Variants in OSBPL10 observed in about 807,000 individuals in gnomAD.
OSBPL10 encodes the protein oxysterol-binding protein-related protein 10.
Under a neutral mutation model 81.7 loss-of-function variants are expected in OSBPL10, and 49 were observed. That is an observed-to-expected ratio of 0.60 (90% CI 0.48 to 0.76). OSBPL10 has a LOEUF of 0.76. Ranked by LOEUF, OSBPL10 falls within the 30% of genes least tolerant of loss-of-function variation. The probability of loss-of-function intolerance (pLI) is 0.00; values close to 1 mark genes in which losing one functional copy is unlikely to be tolerated. For missense variants in OSBPL10, 923 were observed against 987.8 expected, an observed-to-expected ratio of 0.93 and a Z score of 0.88; for synonymous variants, 419 against 383.6, an observed-to-expected ratio of 1.09 and a Z score of -1.08.
intron 2 of OSBPL10, among the ~76,000 whole-genome samples, chr3:32,026,189 G>T (rs1323045043): frequency 6.6e-6 from 1 of 152,072 alleles, no homozygotes; most frequent in Admixed American, 6.6e-5. Context: ...CCAAGCTGGG[G>T]TGCAATGTCA....
chr3:31,825,596 C>T (rs1359436400), intron 4 of OSBPL10, among the ~76,000 whole-genome samples: 2 of 152,116 alleles, frequency 1.3e-5, no homozygotes, highest in African/African-American at 4.8e-5. Flanking sequence ...GGATTACAGG[C>T]GTGATTCACT....
chr3:32,067,283 C>G (rs911940757), intron 1 of OSBPL10, among the ~76,000 whole-genome samples: 1 of 152,162 alleles, frequency 6.6e-6, no homozygotes, highest in South Asian at 2.1e-4. Context: ...CTTGCCTTCC[C>G]AAGTGGGACC....
intron 3 of OSBPL10, among the ~76,000 whole-genome samples, chr3:31,833,094 C>T (rs1700285545): frequency 6.6e-6 from 1 of 152,182 alleles, no homozygotes; most frequent in Non-Finnish European, 1.5e-5. Flanking sequence ...TCAATCTTTT[C>T]ACTTGGAGAG....
At chr3:31,822,913 T>TAAAAAAAAAAAAAAAAAAAAAAA (rs71097447) in intron 4 of OSBPL10, among the ~76,000 whole-genome samples, 3 of 89,142 alleles carry the variant, frequency 3.4e-5, no homozygotes, top group Non-Finnish European at 6.8e-5. Context: ...CCCCCAACTC[T>TAAAAAAAAAAAAAAAAAAAAAAA]AAAAAAAAAA....
At chr3:31,710,291 T>C (rs1696209484) in intron 6 of OSBPL10, among the ~76,000 whole-genome samples, 1 of 152,162 alleles carries the variant, frequency 6.6e-6, no homozygotes. Context: ...ACACAAGAAG[T>C]GCTTGGTAAA....
chr3:31,928,878 T>C (rs1697158173), intron 1 of OSBPL10, among the ~76,000 whole-genome samples: 3 of 149,866 alleles, frequency 2.0e-5, no homozygotes, highest in South Asian at 2.1e-4. Context: ...AAGACAGAAA[T>C]ATAAAAATCA....
intron 4 of OSBPL10, among the ~76,000 whole-genome samples, chr3:31,787,804 A>C (rs1375065120): frequency 6.6e-6 from 1 of 152,158 alleles, no homozygotes; most frequent in Non-Finnish European, 1.5e-5. Flanking sequence ...GGTGCAGTTC[A>C]GAATAATTTC....
At chr3:31,838,579 G>A (rs887470896) in intron 3 of OSBPL10, among the ~76,000 whole-genome samples, 1 of 151,106 alleles carries the variant, frequency 6.6e-6, no homozygotes, top group East Asian at 1.9e-4. Flanking sequence ...ATGCTATTAG[G>A]TGGTAGGGCC....
At chr3:31,801,281 T>C (rs1699371631) in intron 4 of OSBPL10, among the ~76,000 whole-genome samples, 1 of 152,194 alleles carries the variant, frequency 6.6e-6, no homozygotes, top group Non-Finnish European at 1.5e-5. Flanking sequence ...CCCAAGTCTT[T>C]GGAGTTGGGG....
chr3:31,805,487 C>T (rs1575556436), intron 4 of OSBPL10, among the ~76,000 whole-genome samples: 1 of 152,132 alleles, frequency 6.6e-6, no homozygotes, highest in African/African-American at 2.4e-5. Context: ...CCACATTCTC[C>T]CTTCACGCAA....
intron 1 of OSBPL10, among the ~76,000 whole-genome samples, chr3:32,051,682 C>G (rs899546716): frequency 6.6e-5 from 10 of 152,278 alleles, no homozygotes; most frequent in Admixed American, 5.2e-4. Flanking sequence ...TTTTCCTAGA[C>G]CTGTTTCTTG....
intron 5 of OSBPL10, among the ~76,000 whole-genome samples, chr3:31,734,563 C>T (rs1271576909): frequency 6.6e-6 from 1 of 152,034 alleles, no homozygotes; most frequent in Non-Finnish European, 1.5e-5. Context: ...CAAGGCGAAA[C>T]CCTATCCCTA....
At chr3:31,846,265 G>A (rs1338194627) in intron 3 of OSBPL10, among the ~76,000 whole-genome samples, 1 of 152,118 alleles carries the variant, frequency 6.6e-6, no homozygotes. Flanking sequence ...CTCCGCCTTG[G>A]CCTCCCCAAA....
At chr3:31,718,746 G>A (rs1011717894) in intron 6 of OSBPL10, 6 of 152,012 alleles carry the variant, frequency 3.9e-5, no homozygotes, top group African/African-American at 7.2e-5. Context: ...CATTTTCAAG[G>A]AACAAACGAA....
At chr3:31,908,560 T>C (rs1463988652) in intron 1 of OSBPL10, among the ~76,000 whole-genome samples, 1 of 152,194 alleles carries the variant, frequency 6.6e-6, no homozygotes, top group East Asian at 1.9e-4. Context: ...GCCAGGTGTT[T>C]TTTGCCACGT....
At chr3:31,687,642 G>A (rs1461531435) in intron 7 of OSBPL10, among the ~76,000 whole-genome samples, 1 of 152,106 alleles carries the variant, frequency 6.6e-6, no homozygotes, top group East Asian at 1.9e-4. Flanking sequence ...AGGCTCCCAG[G>A]TGCCACCTCC....
intron 1 of OSBPL10, among the ~76,000 whole-genome samples, chr3:31,965,226 C>T (rs1026701196): frequency 6.7e-6 from 1 of 150,174 alleles, no homozygotes; most frequent in African/African-American, 2.5e-5. Context: ...AAAAATTAGC[C>T]GGGCGTGGTG....
Position 31,843,269 on chromosome 3 carries a change from A to G in OSBPL10, c.538-13038T>C, listed in dbSNP as rs1420984899. Among the ~76,000 whole-genome samples the G allele has an allele frequency of 2.0e-5, 3 of 152,226 alleles. No homozygotes were observed. The East Asian group carries it at 5.8e-4, about 29-fold the overall frequency. On this transcript the variant is annotated intron_variant, in intron 3 of 11. Transcript: ENST00000396556. ...CCCACCTTGGGGCAGCCCTTGATCAATGGGAGATGGGTGCCAGGAGATGAT... is the reference window on the plus strand; with the variant it reads ...CCCACCTTGGGGCAGCCCTTGATCAGTGGGAGATGGGTGCCAGGAGATGAT...
intron 3 of OSBPL10, among the ~76,000 whole-genome samples, chr3:31,851,631 C>A (rs890467713): frequency 3.3e-5 from 5 of 152,252 alleles, no homozygotes; most frequent in African/African-American, 1.2e-4. Flanking sequence ...CTTCTCCACT[C>A]TGTCAGTGCA....
Sources: allele counts gnomAD v4.1 joint callset (sites outside exome capture counted in the v4.1 genomes callset), GRCh38; gene constraint gnomAD v4.1.1; transcripts MANE v1.5; gene names NCBI Gene and HGNC (gene_info 2026-07-23, HGNC 2026-07-21).